The following SLC11A2 variants were observed in gnomAD, a reference collection of about 807,000 sequenced individuals.
SLC11A2 encodes solute carrier family 11 member 2.
A neutral mutation model predicts 68.0 loss-of-function variants in SLC11A2; 38 were observed. That is an observed-to-expected ratio of 0.56 (90% CI 0.43 to 0.73). The LOEUF is 0.73. SLC11A2 is among the 30% of genes least tolerant of loss of function. The probability of loss-of-function intolerance (pLI) is 0.00; values close to 1 mark genes in which losing one functional copy is unlikely to be tolerated. For missense variants in SLC11A2, 517 were observed against 690.5 expected (o/e 0.75, Z 2.82); for synonymous variants, 242 against 250.6 (o/e 0.97, Z 0.32).
chr12:50,955,046 C>G, the SLC11A2 span, among the ~76,000 whole-genome samples: 1 of 152,142 alleles, frequency 6.6e-6, no homozygotes, highest in South Asian at 2.1e-4. Context: ...AATCCCAGCA[C>G]TTTGAGAGGC....
At chr12:51,011,552 G>GTTTTTTTTTTTT (rs772957287) in intron 1 of SLC11A2, among the ~76,000 whole-genome samples, 92 of 125,094 alleles carry the variant, frequency 7.4e-4, no homozygotes, top group East Asian at 9.9e-4. Flanking sequence ...TTTATGAGTT[G>GTTTTTTTTTTTT]TTTTTTTTTG....
At chr12:51,011,451 A>T (rs1326565618) in intron 1 of SLC11A2, among the ~76,000 whole-genome samples, 8 of 151,426 alleles carry the variant, frequency 5.3e-5, no homozygotes, top group Admixed American at 4.0e-4. Flanking sequence ...TTTAATAAGC[A>T]TCTACACAGA....
chr12:50,956,461 T>C, the SLC11A2 span, among the ~76,000 whole-genome samples: 3 of 152,362 alleles, frequency 2.0e-5, no homozygotes, highest in Admixed American at 6.5e-5. Flanking sequence ...ATATCTACTA[T>C]GTATTTTCCT....
At chr12:50,992,989 A>C in intron 11 of SLC11A2, 60 bp from the exon 12 acceptor site, 1 of 1,601,222 alleles carries the variant, frequency 6.2e-7, no homozygotes, top group Non-Finnish European at 8.6e-7. Context: ...ACAATATCCA[A>C]AACAGCAGTT....
At chr12:50,998,909 C>G (rs1391482282) in intron 8 of SLC11A2, among the ~76,000 whole-genome samples, 1 of 152,096 alleles carries the variant, frequency 6.6e-6, no homozygotes, top group Non-Finnish European at 1.5e-5. Flanking sequence ...AGATGGTCAA[C>G]TTGGGACCAA....
chr12:50,957,151 A>G, the SLC11A2 span, among the ~76,000 whole-genome samples: 1 of 152,088 alleles, frequency 6.6e-6, no homozygotes, highest in South Asian at 2.1e-4. Context: ...CCACCCATAG[A>G]CACACATATG....
rs761220255 is a variant in SLC11A2 at position 50,986,682 on chromosome 12, C to T, written c.*1643G>A. The T allele has an allele frequency of 3.9e-6, 5 of 1,286,288 alleles. No individual in the cohort carries two copies. The highest frequency in any genetic ancestry group is 1.5e-5 in the African/African-American group (1 of 65,658). The allele number at this position is 1,286,288 out of a possible 1,614,324, so 79.7% of individuals were successfully genotyped here. ...CCTTTATGACCAGTTTGGAGAATTA[C>T]GATGGTAAGGGGAAGAGGCAGATAT... On this transcript the variant is annotated 3_prime_UTR_variant, in exon 16 of 16. Transcript: ENST00000262052.
At chr12:50,980,610 T>C (rs1939969267), downstream of SLC11A2, 1 of 152,252 alleles carries the variant, frequency 6.6e-6, no homozygotes, top group African/African-American at 2.4e-5. Flanking sequence ...GTTTGTGATA[T>C]GTGGACTAAT....
At chr12:51,028,186 A>G (rs759726689), upstream of SLC11A2, 11 of 1,534,498 alleles carry the variant, frequency 7.2e-6, no homozygotes, top group African/African-American at 1.1e-4. Context: ...CTTAGTTCAC[A>G]GTGTGGAGCT....
At chr12:50,983,136 T>A (rs888509175), downstream of SLC11A2, among the ~76,000 whole-genome samples, 2 of 152,034 alleles carry the variant, frequency 1.3e-5, no homozygotes, top group African/African-American at 2.4e-5. Context: ...CATCCTCCCA[T>A]CTCAGCCTCC....
intron 11 of SLC11A2, among the ~76,000 whole-genome samples, chr12:50,993,600 G>C (rs191647711): frequency 2.0e-5 from 3 of 151,828 alleles, no homozygotes; most frequent in South Asian, 2.1e-4. Context: ...CCGAGGGGGG[G>C]GTGGATCACC....
the SLC11A2 span, among the ~76,000 whole-genome samples, chr12:50,957,845 A>G: frequency 2.6e-5 from 4 of 151,998 alleles, no homozygotes; most frequent in East Asian, 7.8e-4. Context: ...AGATCATGCC[A>G]CTGCACTCCA....
chr12:50,979,754 G>A (rs755696348), downstream of SLC11A2: 1 of 427,880 alleles, frequency 2.3e-6, no homozygotes, highest in South Asian at 1.6e-5. Flanking sequence ...CCTCTTTAAG[G>A]GCCGATTATA....
At chr12:50,966,900 G>A in the SLC11A2 span, among the ~76,000 whole-genome samples, 1 of 152,116 alleles carries the variant, frequency 6.6e-6, no homozygotes, top group African/African-American at 2.4e-5. Context: ...TAGATCATTT[G>A]AGGTCAGGAG....
Position 50,988,409 on chromosome 12 carries a change from G to A in SLC11A2, c.1602C>T (p.Gly534=). 4 of 1,613,972 alleles carry A rather than the reference G, an allele frequency of 2.5e-6. No individual in the cohort carries two copies. Among genetic ancestry groups the A allele is most frequent in the Non-Finnish European group, 3.4e-6 (4 of 1,179,872 alleles). ...YLGWQCLIAL[G]MSFLDCGHTV... ...TATGCCCACAGTCCAGGAAGGACAT[G>A]CCCAGTGCAATCAAACATTGCCAAC... Residue 534 remains glycine, a synonymous_variant, in exon 16 of 16, where the codon GGC becomes GGT. Transcript: ENST00000262052.
chr12:50,989,966 A>G (rs1940980718), intron 15 of SLC11A2, among the ~76,000 whole-genome samples: 1 of 152,132 alleles, frequency 6.6e-6, no homozygotes, highest in Non-Finnish European at 1.5e-5. Context: ...ATCTGTTGTT[A>G]TTTTGGCTGT....
At chr12:51,008,223 CA>C (rs1942892997) in intron 3 of SLC11A2, 1 of 356,412 alleles carries the variant, frequency 2.8e-6, no homozygotes, top group Non-Finnish European at 5.1e-6. Context: ...ATTAGATAGA[CA>C]GATAGATAGA....
intron 15 of SLC11A2, 176 bp downstream of exon 15, chr12:50,990,619 A>T (rs1017972280): frequency 1.6e-6 from 1 of 639,684 alleles, no homozygotes; most frequent in Non-Finnish European, 2.7e-6. Context: ...TATGTTGCCC[A>T]GATTGGTCTC....
chr12:51,000,484 T>C (rs1942108285), intron 5 of SLC11A2, 65 bp from the exon 6 acceptor site: 1 of 1,293,188 alleles, frequency 7.7e-7, no homozygotes, highest in Non-Finnish European at 1.1e-6. Context: ...CCTCCACAAT[T>C]TGGAATTCAC....
Sources: gnomAD v4.1 joint callset for allele counts (sites outside exome capture counted in the v4.1 genomes callset) on GRCh38, gnomAD v4.1.1 for gene constraint, MANE v1.5 for transcripts, NCBI Gene and HGNC (gene_info 2026-07-23, HGNC 2026-07-21) for gene names.